The following CYP27A1 variants were observed in gnomAD, a reference collection of about 807,000 sequenced individuals.
CYP27A1 encodes cytochrome P450 family 27 subfamily A member 1.
Under a neutral mutation model 58.2 loss-of-function variants are expected in CYP27A1, and 46 were observed. That is an observed-to-expected ratio of 0.79 (90% CI 0.62 to 1.01). The LOEUF (loss-of-function observed/expected upper bound fraction) is 1.01. Ranked by LOEUF, CYP27A1 falls within the 50% of genes least tolerant of loss-of-function variation. CYP27A1 has a pLI of 0.00. For synonymous variants in CYP27A1, 274 were observed against 285.1 expected (o/e 0.96, Z 0.39); for missense variants, 704 against 687.0 (o/e 1.02, Z -0.28).
chr2:218,784,846 A>G (rs1214024255), intron 1 of CYP27A1, among the ~76,000 whole-genome samples: 7 of 152,164 alleles, frequency 4.6e-5, no homozygotes, highest in Admixed American at 4.6e-4. Context: ...CAGGTCACAA[A>G]ATACTGAGAG....
Position 218,814,769 on chromosome 2 carries a change from G to A in CYP27A1, c.1476+12G>A. On this transcript the variant is annotated intron_variant, in intron 8 of 8. Transcript: ENST00000258415. Reference sequence around the variant, plus strand: ...TACTCCTCGCAAGGGTGAGCTGGGAGAGGCTAGTAGGGTGTGTGGGCAGGG... The same window carrying A: ...TACTCCTCGCAAGGGTGAGCTGGGAAAGGCTAGTAGGGTGTGTGGGCAGGG... 1.2e-6 allele frequency: 2 copies of A among 1,614,010 alleles called. No homozygotes were observed. Among genetic ancestry groups the A allele is most frequent in the Non-Finnish European group, 8.5e-7 (1 of 1,179,952 alleles).
chr2:218,791,864 T>C (rs1943496480), intron 1 of CYP27A1, among the ~76,000 whole-genome samples: 1 of 152,182 alleles, frequency 6.6e-6, no homozygotes, highest in Non-Finnish European at 1.5e-5. Flanking sequence ...TGTTACAACA[T>C]CAGTCCTCTT....
At chr2:218,791,509 G>A (rs1344202766) in intron 1 of CYP27A1, among the ~76,000 whole-genome samples, 3 of 152,192 alleles carry the variant, frequency 2.0e-5, no homozygotes, top group Non-Finnish European at 2.9e-5. Flanking sequence ...TAAGAGTCTC[G>A]TGATAGTAAA....
At chr2:218,793,663 A>T (rs972313518) in intron 1 of CYP27A1, among the ~76,000 whole-genome samples, 1 of 152,074 alleles carries the variant, frequency 6.6e-6, no homozygotes, top group East Asian at 1.9e-4. Flanking sequence ...GTCATCTTTT[A>T]AACCACACAT....
chr2:218,815,239 G>A lies in CYP27A1; in HGVS notation c.*209G>A, dbSNP rs540140393. 33 of 595,348 alleles carry A rather than the reference G, an allele frequency of 5.5e-5. No homozygotes were observed. The Middle Eastern group carries it at 1.4e-3, about 25-fold the overall frequency. The allele number at this position is 595,348 out of a possible 1,614,324, so 36.9% of individuals were successfully genotyped here. A position where few individuals can be genotyped will look rare whatever the true frequency, so the allele number is the denominator to read the frequency against. The stretch of plus-strand genomic sequence containing the variant: ...TCAGCTAAAAGGCCACCCCTTTATC[G>A]CATTGCTGTCCTTGGGTAGAATATA... On this transcript the variant is annotated 3_prime_UTR_variant, in exon 9 of 9. Transcript: ENST00000258415.
intron 1 of CYP27A1, among the ~76,000 whole-genome samples, chr2:218,795,388 C>T (rs1393514737): frequency 2.0e-5 from 3 of 152,136 alleles, no homozygotes; most frequent in Non-Finnish European, 2.9e-5. Context: ...ATCGAGTCCT[C>T]CTGCAACAAG....
At chr2:218,800,625 T>C (rs1943591037) in intron 1 of CYP27A1, among the ~76,000 whole-genome samples, 1 of 152,102 alleles carries the variant, frequency 6.6e-6, no homozygotes, top group Admixed American at 6.6e-5. Context: ...TTTAGAGAAA[T>C]GAGAAAATAT....
intron 3 of CYP27A1, 59 bp from the exon 4 acceptor site, chr2:218,812,493 C>T: frequency 5.6e-6 from 9 of 1,610,520 alleles, no homozygotes; most frequent in Non-Finnish European, 7.6e-6. Flanking sequence ...TCCTCAAGGG[C>T]TCCTGGATTC....
chr2:218,808,933 T>TA, intron 1 of CYP27A1, among the ~76,000 whole-genome samples: 1 of 152,324 alleles, frequency 6.6e-6, no homozygotes, highest in African/African-American at 2.4e-5. Flanking sequence ...TACTTTTTTT[T>TA]ATTTCTTTTT....
chr2:218,783,742 G>C (rs1383505592), intron 1 of CYP27A1, among the ~76,000 whole-genome samples: 1 of 152,218 alleles, frequency 6.6e-6, no homozygotes, highest in Non-Finnish European at 1.5e-5. Flanking sequence ...AAGGACACTT[G>C]GTTGTCAGGG....
intron 1 of CYP27A1, among the ~76,000 whole-genome samples, chr2:218,785,853 C>T (rs1021950191): frequency 1.3e-5 from 2 of 152,196 alleles, no homozygotes; most frequent in Admixed American, 6.5e-5. Context: ...CAGTTACTCA[C>T]TTTGTATCAG....
rs760374341 is a variant in CYP27A1 at position 218,782,170 on chromosome 2, G to A, written c.-13G>A. On this transcript the variant is annotated 5_prime_UTR_variant, in exon 1 of 9. Coordinates refer to ENST00000258415, the MANE Select transcript of CYP27A1 (RefSeq NM_000784.4). The surrounding 1 kb of genome is among the most constrained non-coding windows in gnomAD (Gnocchi z 4.1). The stretch of plus-strand genomic sequence containing the variant: ...GCACTCGACCCAAAGGTGCAGGCGC[G>A]CGAGCACAACCCATGGCTGCGCTGG... The A allele has an allele frequency of 1.3e-6, 2 of 1,534,618 alleles. No individual in the cohort carries two copies. The highest frequency in any genetic ancestry group is 8.7e-7 in the Non-Finnish European group (1 of 1,146,012).
rs183354477 is a variant in CYP27A1, at chr2:218,790,891, C to T, written c.255+8454C>T. Among the ~76,000 whole-genome samples, 464 of 151,992 alleles carry T rather than the reference C, an allele frequency of 3.1e-3. 2 individuals carry two copies. Among genetic ancestry groups the T allele is most frequent in the African/African-American group, 0.011 (436 of 41,456 alleles). On this transcript the variant is annotated intron_variant, in intron 1 of 8. Transcript: ENST00000258415. The stretch of plus-strand genomic sequence containing the variant: ...TTTTTTTTTGTATTTTTAGTAGAGA[C>T]GGGGTTTCACTGTGTTAGCCAGGAT...
intron 1 of CYP27A1, among the ~76,000 whole-genome samples, chr2:218,801,739 A>T (rs1045045298): frequency 2.6e-5 from 4 of 151,582 alleles, no homozygotes; most frequent in African/African-American, 9.7e-5. Context: ...TAAATTCCCT[A>T]TTTCTGTTTT....
At chr2:218,812,173 G>C in intron 2 of CYP27A1, 49 bp from the exon 3 acceptor site, 1 of 1,451,614 alleles carries the variant, frequency 6.9e-7, no homozygotes, top group Non-Finnish European at 9.7e-7. Context: ...TCCCTTAATT[G>C]AACCCCCATA....
intron 1 of CYP27A1, among the ~76,000 whole-genome samples, chr2:218,801,199 C>A (rs924915350): frequency 1.3e-5 from 2 of 152,144 alleles, no homozygotes; most frequent in African/African-American, 4.8e-5. Context: ...TGACAAAGGG[C>A]AGTCCAAAAA....
chr2:218,812,852 C>T (rs1369370147), intron 4 of CYP27A1, 72 bp from the exon 5 acceptor site: 19 of 1,607,890 alleles, frequency 1.2e-5, no homozygotes, highest in Admixed American at 5.0e-5. Flanking sequence ...TACCAGTTGT[C>T]GGAGTGGCTC....
At chr2:218,806,951 A>AT (rs10647379) in intron 1 of CYP27A1, among the ~76,000 whole-genome samples, 4,084 of 100,210 alleles carry the variant, frequency 0.041, 387 homozygotes, top group African/African-American at 0.13. Context: ...CTCCTAGGGA[A>AT]TTTTTTTTTT....
At position 218,815,084 on chromosome 2, in the gene CYP27A1, T is replaced by C; in HGVS notation, c.*54T>C. On this transcript the variant is annotated 3_prime_UTR_variant, in exon 9 of 9. Coordinates refer to ENST00000258415, the MANE Select transcript of CYP27A1 (RefSeq NM_000784.4). ...CCTAGAGGCTCCAGCTCTGGCACAG[T>C]GGTTCCTGGCTGCTGCCATGTCTCA... The C allele has an allele frequency of 6.2e-7, 1 of 1,611,734 alleles. No homozygotes were observed. The highest frequency in any genetic ancestry group is 8.5e-7 in the Non-Finnish European group (1 of 1,178,464).
Sources: allele counts gnomAD v4.1 joint callset (sites outside exome capture counted in the v4.1 genomes callset), GRCh38; gene constraint gnomAD v4.1.1; non-coding constraint Gnocchi (gnomAD v3.1); transcripts MANE v1.5; gene names NCBI Gene and HGNC (gene_info 2026-07-23, HGNC 2026-07-21).